RBFOX1: variants seen among roughly 807,000 people sequenced by gnomAD.
RBFOX1 encodes RNA binding fox-1 homolog 1.
In RBFOX1, 8 loss-of-function variants were observed where a neutral mutation model predicts 57.7. The ratio of observed to expected loss-of-function variants is 0.14; its 90% CI spans 0.08 to 0.25. RBFOX1 has a LOEUF of 0.25. Ranked by LOEUF, RBFOX1 falls within the 10% of genes least tolerant of loss-of-function variation. The probability of loss-of-function intolerance (pLI) is 1.00; values close to 1 mark genes in which losing one functional copy is unlikely to be tolerated. For missense variants in RBFOX1, 611 were observed against 548.5 expected (o/e 1.11, Z -1.14); for synonymous variants, 326 against 222.4 (o/e 1.47, Z -4.15).
intron 1 of RBFOX1, among the ~76,000 whole-genome samples, chr16:5,300,033 T>C (rs915449318): frequency 6.6e-6 from 1 of 152,156 alleles, no homozygotes; most frequent in Non-Finnish European, 1.5e-5. Context: ...AAATGCTTTT[T>C]TTTTTGGGCA....
intron 4 of RBFOX1, among the ~76,000 whole-genome samples, chr16:5,903,379 T>C (rs932747690): frequency 2.0e-5 from 3 of 152,294 alleles, no homozygotes; most frequent in African/African-American, 7.2e-5. Flanking sequence ...TTCCTGACAC[T>C]TCCTATTACT....
intron 4 of RBFOX1, among the ~76,000 whole-genome samples, chr16:7,094,344 TAG>T (rs1010480910): frequency 6.6e-6 from 1 of 151,908 alleles, no homozygotes; most frequent in Admixed American, 6.6e-5. Flanking sequence ...TTAGGAGAAG[TAG>T]AGAGAGCTTT....
chr16:7,122,218 A>G (rs2067347345), intron 4 of RBFOX1, among the ~76,000 whole-genome samples: 1 of 152,174 alleles, frequency 6.6e-6, no homozygotes, highest in South Asian at 2.1e-4. Flanking sequence ...AGAAAATACA[A>G]GAATCTGTAA....
intron 2 of RBFOX1, among the ~76,000 whole-genome samples, chr16:6,622,777 T>C (rs1601807707): frequency 6.6e-6 from 1 of 152,250 alleles, no homozygotes; most frequent in African/African-American, 2.4e-5. Flanking sequence ...TTTAAATGAT[T>C]TATTTAATAC....
At chr16:5,991,361 C>G (rs2060392429) in intron 4 of RBFOX1, among the ~76,000 whole-genome samples, 1 of 152,148 alleles carries the variant, frequency 6.6e-6, no homozygotes, top group African/African-American at 2.4e-5. Context: ...AGCTACAGCT[C>G]ACAGTTAGTG....
intron 11 of RBFOX1, 26 bp downstream of exon 11, chr16:7,630,709 TG>T: frequency 1.2e-6 from 2 of 1,613,744 alleles, no homozygotes; most frequent in Non-Finnish European, 1.7e-6. Flanking sequence ...TGGCTCTTTT[TG>T]TTTTGTGACA....
rs1202152444 is a variant in RBFOX1, at chr16:7,273,041, C to T, written c.27+220943C>T. Reference sequence around the variant, plus strand: ...TGCCTTCCTTCCTTTTCTTTCCTTCCCCTCCCTTCCCTCCCTCCTTCCCTC... The same window carrying T: ...TGCCTTCCTTCCTTTTCTTTCCTTCTCCTCCCTTCCCTCCCTCCTTCCCTC... On this transcript the variant is annotated intron_variant, in intron 4 of 15. Transcript: ENST00000550418. Among the ~76,000 whole-genome samples the T allele has an allele frequency of 1.7e-5, 2 of 117,950 alleles. 1 individual carries two copies. Among genetic ancestry groups the T allele is most frequent in the African/African-American group, 6.6e-5 (2 of 30,428 alleles). 77.4% of individuals were successfully genotyped at this position (117,950 alleles called of 152,430 possible).
intron 4 of RBFOX1, among the ~76,000 whole-genome samples, chr16:5,960,006 G>A (rs2059717521): frequency 1.3e-5 from 2 of 152,090 alleles, no homozygotes; most frequent in South Asian, 2.1e-4. Context: ...TTCAAGACCA[G>A]CCTTGCCAAC....
chr16:7,382,313 C>T (rs955100608), intron 4 of RBFOX1, among the ~76,000 whole-genome samples: 10 of 152,148 alleles, frequency 6.6e-5, no homozygotes, highest in African/African-American at 2.4e-4. Context: ...ATACTTAAAG[C>T]TATCCACAGC....
intron 5 of RBFOX1, among the ~76,000 whole-genome samples, chr16:7,560,479 T>C (rs553395425): frequency 6.6e-6 from 1 of 152,146 alleles, no homozygotes; most frequent in East Asian, 1.9e-4. Context: ...TGCTCCGGAT[T>C]TCACATTGTC....
intron 4 of RBFOX1, among the ~76,000 whole-genome samples, chr16:7,362,365 TAG>T: frequency 6.6e-6 from 1 of 151,226 alleles, no homozygotes; most frequent in Non-Finnish European, 1.5e-5. Context: ...GTGTGTATGC[TAG>T]TGTGTGTGTA....
chr16:7,164,264 C>G (rs1457509710), intron 4 of RBFOX1, among the ~76,000 whole-genome samples: 1 of 152,166 alleles, frequency 6.6e-6, no homozygotes, highest in Admixed American at 6.5e-5. Context: ...TGGTTTTCAG[C>G]TCCATCCAGG....
At chr16:7,292,093 A>G (rs1369140807) in intron 4 of RBFOX1, among the ~76,000 whole-genome samples, 1 of 76,290 alleles carries the variant, frequency 1.3e-5, no homozygotes, top group East Asian at 3.8e-4. Flanking sequence ...TGTATAATAT[A>G]TAATATATCA....
At chr16:6,703,505 A>T (rs1245997981) in intron 3 of RBFOX1, among the ~76,000 whole-genome samples, 1 of 117,070 alleles carries the variant, frequency 8.5e-6, no homozygotes, top group South Asian at 2.7e-4. Flanking sequence ...TGAGCTCAGC[A>T]GTTCAAGGCA....
intron 2 of RBFOX1, among the ~76,000 whole-genome samples, chr16:5,495,033 GACAT>G (rs774038084): frequency 1.2e-4 from 19 of 152,166 alleles, no homozygotes; most frequent in Non-Finnish European, 2.1e-4. Flanking sequence ...TGCTATAAAA[GACAT>G]ACCTCAGACT....
intron 4 of RBFOX1, among the ~76,000 whole-genome samples, chr16:7,506,274 G>A (rs779017932): frequency 6.6e-6 from 1 of 150,532 alleles, no homozygotes; most frequent in Non-Finnish European, 1.5e-5. Flanking sequence ...TCTAAATGAG[G>A]TCAGATCTGA....
chr16:6,632,241 C>G (rs2098393936), intron 2 of RBFOX1, among the ~76,000 whole-genome samples: 1 of 151,992 alleles, frequency 6.6e-6, no homozygotes, highest in African/African-American at 2.4e-5. Context: ...TCTGTTTTCC[C>G]TGCATGCTAG....
intron 2 of RBFOX1, among the ~76,000 whole-genome samples, chr16:6,324,066 C>T (rs925941372): frequency 6.6e-6 from 1 of 152,210 alleles, no homozygotes; most frequent in Non-Finnish European, 1.5e-5. Context: ...AGCCACCATA[C>T]TCAGCCAACT....
intron 2 of RBFOX1, among the ~76,000 whole-genome samples, chr16:6,475,111 T>C (rs1330169571): frequency 1.3e-5 from 2 of 152,224 alleles, no homozygotes; most frequent in Non-Finnish European, 2.9e-5. Context: ...GTGGATAGAC[T>C]TCCAACAAAA....
Sources: allele counts gnomAD v4.1 joint callset (sites outside exome capture counted in the v4.1 genomes callset), GRCh38; gene constraint gnomAD v4.1.1; transcripts MANE v1.5; gene names NCBI Gene and HGNC (gene_info 2026-07-23, HGNC 2026-07-21).